FHIP1A: variants seen among roughly 807,000 people sequenced by gnomAD.
FHIP1A encodes the protein FHF complex subunit HOOK interacting protein 1A.
FHIP1A carries 61 observed loss-of-function variants against 88.6 expected under a neutral mutation model. The observed-to-expected ratio is 0.69, with a 90% CI of 0.56 to 0.85. The LOEUF is 0.85. FHIP1A is among the 40% of genes least tolerant of loss of function. The pLI is 0.00. For synonymous variants in FHIP1A, 478 were observed against 496.0 expected (o/e 0.96, Z 0.48); for missense variants, 1,154 against 1,273.5 (o/e 0.91, Z 1.43).
chr4:151,528,113 C>T (rs1208063328), intron 3 of FHIP1A, among the ~76,000 whole-genome samples: 1 of 152,176 alleles, frequency 6.6e-6, no homozygotes, highest in Non-Finnish European at 1.5e-5. Context: ...AATACTTTGT[C>T]AATACAGCAG....
At chr4:151,545,369 CTTTTTTTT>C (rs569126288) in intron 3 of FHIP1A, among the ~76,000 whole-genome samples, 9 of 81,650 alleles carry the variant, frequency 1.1e-4, no homozygotes, top group Admixed American at 4.6e-4. Context: ...CCTTATCCTT[CTTTTTTTT>C]TTTTTTTTTT....
At chr4:151,575,051 A>G (rs1466985648) in intron 4 of FHIP1A, among the ~76,000 whole-genome samples, 2 of 152,228 alleles carry the variant, frequency 1.3e-5, no homozygotes, top group East Asian at 1.9e-4. Context: ...ATATTGCCAT[A>G]TTGTTTTCCA....
intron 7 of FHIP1A, among the ~76,000 whole-genome samples, chr4:151,616,208 A>T (rs563663491): frequency 8.9e-4 from 135 of 152,310 alleles, no homozygotes; most frequent in Middle Eastern, 3.4e-3. Context: ...TAATTGAGGT[A>T]TAAAGGGCTC....
At chr4:151,575,578 G>C (rs907971975) in intron 4 of FHIP1A, among the ~76,000 whole-genome samples, 1 of 152,132 alleles carries the variant, frequency 6.6e-6, no homozygotes, top group South Asian at 2.1e-4. Context: ...GTACTCCCTG[G>C]GTAGGGGCTA....
chr4:151,563,437 G>A (rs1011809067), intron 3 of FHIP1A, among the ~76,000 whole-genome samples: 1 of 152,082 alleles, frequency 6.6e-6, no homozygotes, highest in Non-Finnish European at 1.5e-5. Flanking sequence ...GTGTCTTTAC[G>A]GGAAGAACAG....
At chr4:151,428,657 T>G (rs1028629151) in intron 1 of FHIP1A, among the ~76,000 whole-genome samples, 1 of 152,228 alleles carries the variant, frequency 6.6e-6, no homozygotes, top group Non-Finnish European at 1.5e-5. Flanking sequence ...ATAAAGATCC[T>G]TAATACGTGC....
At chr4:151,429,685 C>T (rs1733519627) in intron 1 of FHIP1A, among the ~76,000 whole-genome samples, 1 of 151,988 alleles carries the variant, frequency 6.6e-6, no homozygotes, top group Non-Finnish European at 1.5e-5. Context: ...TGTGTCTCTA[C>T]TAAAAATACA....
intron 1 of FHIP1A, among the ~76,000 whole-genome samples, chr4:151,426,113 A>G (rs1416067711): frequency 2.0e-5 from 3 of 152,152 alleles, no homozygotes; most frequent in Non-Finnish European, 4.4e-5. Context: ...AGCGGGGCGG[A>G]GAGAGGAAAT....
chr4:151,526,500 TC>T (rs1011840640), intron 3 of FHIP1A, among the ~76,000 whole-genome samples: 2 of 129,780 alleles, frequency 1.5e-5, no homozygotes, highest in Admixed American at 1.6e-4. Flanking sequence ...CCCCCCCACC[TC>T]CCTCCCGGAC....
At chr4:151,652,516 A>C (rs1237343000) in intron 11 of FHIP1A, among the ~76,000 whole-genome samples, 3 of 152,212 alleles carry the variant, frequency 2.0e-5, no homozygotes, top group Non-Finnish European at 4.4e-5. Flanking sequence ...TCTTTTATTG[A>C]TCCCCTGAAG....
At chr4:151,523,331 A>T (rs932545898) in intron 3 of FHIP1A, among the ~76,000 whole-genome samples, 2 of 152,208 alleles carry the variant, frequency 1.3e-5, no homozygotes, top group Non-Finnish European at 2.9e-5. Flanking sequence ...CAAGTGACAG[A>T]TTTGTTTACT....
chr4:151,507,280 C>T (rs1730868926), intron 3 of FHIP1A, among the ~76,000 whole-genome samples: 2 of 152,116 alleles, frequency 1.3e-5, no homozygotes, highest in African/African-American at 4.8e-5. Context: ...TGCACCACCA[C>T]ACCTGGCTAA....
chr4:151,549,982 A>T (rs1732662149), intron 3 of FHIP1A, among the ~76,000 whole-genome samples: 1 of 152,206 alleles, frequency 6.6e-6, no homozygotes, highest in Non-Finnish European at 1.5e-5. Flanking sequence ...AAGACTTGAA[A>T]AATCTTTAAA....
At chr4:151,545,491 C>T (rs1732462007) in intron 3 of FHIP1A, among the ~76,000 whole-genome samples, 2 of 149,526 alleles carry the variant, frequency 1.3e-5, no homozygotes, top group South Asian at 4.2e-4. Context: ...AATTCTCCTG[C>T]CTCAGCCTCC....
rs1175050128 is a variant in FHIP1A, at chr4:151,566,250, A to G, written c.-10A>G. On this transcript the variant is annotated 5_prime_UTR_variant, in exon 4 of 14. It removes an upstream start codon present in the reference 5' UTR. Transcript: ENST00000435205. The stretch of plus-strand genomic sequence containing the variant: ...AAATATGACTTAGAAGCATTGATTT[A>G]TGAAGGCTTATGATGTCATCGGTTT... 6.6e-7 allele frequency: 1 copy of G among 1,525,496 alleles called. No individual in the cohort carries two copies. The highest frequency in any genetic ancestry group is 8.9e-7 in the Non-Finnish European group (1 of 1,129,244). The allele number at this position is 1,525,496 out of a possible 1,614,324, so 94.5% of individuals were successfully genotyped here.
intron 1 of FHIP1A, among the ~76,000 whole-genome samples, chr4:151,421,277 T>C (rs895780319): frequency 6.6e-6 from 1 of 152,170 alleles, no homozygotes; most frequent in African/African-American, 2.4e-5. Flanking sequence ...ATAAGCACAG[T>C]GTGACTCTTC....
Position 151,440,926 on chromosome 4 carries a change from C to G in FHIP1A, c.-355-13775C>G, listed in dbSNP as rs78806768. 5.6e-4 allele frequency among the ~76,000 whole-genome samples: 85 copies of G among 152,256 alleles called. 1 individual carries two copies. In the Middle Eastern group the frequency reaches 0.024, roughly 43 times the overall value. ...TTATCTGCTCAGCTGAGGCCTCCTCCTTAGTGTCGCCGAATGCAGTCCTGC... is the reference window on the plus strand; with the variant it reads ...TTATCTGCTCAGCTGAGGCCTCCTCGTTAGTGTCGCCGAATGCAGTCCTGC... On this transcript the variant is annotated intron_variant, in intron 1 of 13. Coordinates refer to ENST00000435205, the MANE Select transcript of FHIP1A (RefSeq NM_001109977.3).
intron 8 of FHIP1A, among the ~76,000 whole-genome samples, chr4:151,630,668 A>G (rs1437203318): frequency 2.0e-5 from 3 of 152,196 alleles, no homozygotes; most frequent in Non-Finnish European, 4.4e-5. Context: ...ACTAGAGAAA[A>G]TATTCAATTA....
chr4:151,609,995 C>A (rs916019491), intron 7 of FHIP1A, among the ~76,000 whole-genome samples: 1 of 152,122 alleles, frequency 6.6e-6, no homozygotes, highest in Non-Finnish European at 1.5e-5. Flanking sequence ...TGACATGAAC[C>A]TAGATGTAGT....
Sources: allele counts gnomAD v4.1 joint callset (sites outside exome capture counted in the v4.1 genomes callset), GRCh38; gene constraint gnomAD v4.1.1; transcripts MANE v1.5; gene names NCBI Gene and HGNC (gene_info 2026-07-23, HGNC 2026-07-21).